CDH12: variants seen among roughly 807,000 people sequenced by gnomAD.
The protein encoded by CDH12 is cadherin 12.
Under a neutral mutation model 74.1 loss-of-function variants are expected in CDH12, and 41 were observed. The observed-to-expected ratio is 0.55, with a 90% CI of 0.43 to 0.72. The LOEUF is 0.72. Among genes scored for constraint, CDH12 ranks in the 30% least tolerant of loss-of-function variants. The pLI, the probability that CDH12 is intolerant of heterozygous loss-of-function variation, is 0.00. For missense variants in CDH12, 945 were observed against 977.2 expected, an observed-to-expected ratio of 0.97 and a Z score of 0.44; for synonymous variants, 399 against 355.0, an observed-to-expected ratio of 1.12 and a Z score of -1.39.
chr5:21,766,453 G>A (rs1745030053), intron 11 of CDH12, among the ~76,000 whole-genome samples: 1 of 151,866 alleles, frequency 6.6e-6, no homozygotes, highest in African/African-American at 2.4e-5. Flanking sequence ...AATAGAAACT[G>A]TTTGGCCCGG....
chr5:21,866,716 T>A (rs1751345804), intron 6 of CDH12, among the ~76,000 whole-genome samples: 1 of 152,012 alleles, frequency 6.6e-6, no homozygotes, highest in Non-Finnish European at 1.5e-5. Context: ...GAAAAGAAAA[T>A]CCCATTTTCA....
intron 1 of CDH12, among the ~76,000 whole-genome samples, chr5:22,824,990 C>A (rs895641393): frequency 1.3e-5 from 2 of 151,466 alleles, no homozygotes; most frequent in Non-Finnish European, 3.0e-5. Flanking sequence ...TTAATAAATT[C>A]AAAAAGGCTT....
chr5:22,334,304 A>G, intron 3 of CDH12, among the ~76,000 whole-genome samples: 1 of 152,124 alleles, frequency 6.6e-6, no homozygotes, highest in Non-Finnish European at 1.5e-5. Flanking sequence ...TAATCAAAGA[A>G]GTGGAATATC....
intron 1 of CDH12, among the ~76,000 whole-genome samples, chr5:22,519,556 TG>T (rs1736958578): frequency 6.6e-6 from 1 of 151,880 alleles, no homozygotes; most frequent in South Asian, 2.1e-4. Context: ...CCTGAGTAGC[TG>T]GGACTACAGG....
intron 2 of CDH12, among the ~76,000 whole-genome samples, chr5:22,455,904 T>A (rs1214543415): frequency 2.0e-5 from 3 of 152,170 alleles, no homozygotes; most frequent in South Asian, 2.1e-4. Context: ...AGCTAAGAAA[T>A]TCAGCACACC....
At chr5:22,594,533 CT>C (rs1213474818) in intron 1 of CDH12, among the ~76,000 whole-genome samples, 2 of 152,092 alleles carry the variant, frequency 1.3e-5, no homozygotes, top group Admixed American at 6.6e-5. Context: ...TATTGCTTGC[CT>C]TTTGATCCCC....
At chr5:21,806,339 A>G (rs1049381914) in intron 9 of CDH12, among the ~76,000 whole-genome samples, 11 of 152,154 alleles carry the variant, frequency 7.2e-5, no homozygotes, top group African/African-American at 2.7e-4. Context: ...TCCCAGACCT[A>G]GGAGCCAATG....
chr5:22,447,457 A>T (rs907436820), intron 2 of CDH12, among the ~76,000 whole-genome samples: 1 of 152,106 alleles, frequency 6.6e-6, no homozygotes, highest in Non-Finnish European at 1.5e-5. Flanking sequence ...ATCTCATTTT[A>T]AAAATCTTGA....
intron 1 of CDH12, among the ~76,000 whole-genome samples, chr5:22,735,452 A>AATG (rs2127009377): frequency 6.6e-6 from 1 of 151,966 alleles, no homozygotes; most frequent in East Asian, 1.9e-4. Flanking sequence ...TTATAGGGAA[A>AATG]ATGTGCTGCT....
At chr5:22,304,040 T>A (rs567895838) in intron 3 of CDH12, among the ~76,000 whole-genome samples, 53 of 152,244 alleles carry the variant, frequency 3.5e-4, no homozygotes, top group African/African-American at 1.1e-3. Flanking sequence ...TAGGAGTAAA[T>A]ATTTTAGTCA....
At chr5:22,285,642 C>A (rs1737101483) in intron 3 of CDH12, among the ~76,000 whole-genome samples, 1 of 152,090 alleles carries the variant, frequency 6.6e-6, no homozygotes, top group Non-Finnish European at 1.5e-5. Flanking sequence ...TATACAAACC[C>A]TATATCTAAC....
intron 1 of CDH12, among the ~76,000 whole-genome samples, chr5:22,685,916 A>C (rs1741770932): frequency 6.6e-6 from 1 of 152,200 alleles, no homozygotes; most frequent in Non-Finnish European, 1.5e-5. Flanking sequence ...GCTTAGGAGT[A>C]GAATTGCTGG....
chr5:21,912,798 A>G (rs1753919022), intron 6 of CDH12, among the ~76,000 whole-genome samples: 1 of 152,042 alleles, frequency 6.6e-6, no homozygotes, highest in Non-Finnish European at 1.5e-5. Context: ...TTTGAATAAT[A>G]GTTTTAGGTT....
chr5:21,787,764 T>C (rs898523757), intron 10 of CDH12, among the ~76,000 whole-genome samples: 2 of 152,120 alleles, frequency 1.3e-5, no homozygotes, highest in Non-Finnish European at 2.9e-5. Context: ...TGTGGTACCT[T>C]AGCTCACATG....
chr5:21,915,463 T>C (rs1264124401), intron 6 of CDH12, among the ~76,000 whole-genome samples: 2 of 152,142 alleles, frequency 1.3e-5, no homozygotes, highest in African/African-American at 4.8e-5. Flanking sequence ...AAGTTAATAA[T>C]AGGAATAAGT....
chr5:22,136,545 A>C (rs953971067), intron 4 of CDH12, among the ~76,000 whole-genome samples: 2 of 151,536 alleles, frequency 1.3e-5, no homozygotes, highest in Non-Finnish European at 2.9e-5. Context: ...ACCATTATGA[A>C]GAAGAACTTG....
intron 3 of CDH12, chr5:22,278,160 T>C (rs1187458602): frequency 6.6e-6 from 1 of 152,194 alleles, no homozygotes; most frequent in Non-Finnish European, 1.5e-5. Flanking sequence ...TTACATATTG[T>C]AGCTAAAAAC....
chr5:22,739,023 A>G (rs920950711), intron 1 of CDH12, among the ~76,000 whole-genome samples: 1 of 152,126 alleles, frequency 6.6e-6, no homozygotes, highest in African/African-American at 2.4e-5. Context: ...TTTAACATGA[A>G]AAACTATACA....
chr5:21,751,651 T>TGTGTGTGTGAGA lies in CDH12; in HGVS notation c.*85_*86insTCTCACACACAC, dbSNP rs766005547. On this transcript the variant is annotated 3_prime_UTR_variant, in exon 15 of 15. Coordinates refer to ENST00000382254, the MANE Select transcript of CDH12 (RefSeq NM_004061.5). ...GTGTGTTTGTGTGTGTGTGTGTGTG[T>TGTGTGTGTGAGA]GAGAGAGATTTCTATTAATATTTGT... The TGTGTGTGTGAGA allele has an allele frequency of 1.1e-4, 108 of 959,334 alleles. No homozygotes were observed. The highest frequency in any genetic ancestry group is 4.9e-4 in the African/African-American group (29 of 59,586). 59.4% of individuals were successfully genotyped at this position (959,334 alleles called of 1,614,324 possible).
Sources: allele counts gnomAD v4.1 joint callset (sites outside exome capture counted in the v4.1 genomes callset), GRCh38; gene constraint gnomAD v4.1.1; transcripts MANE v1.5; gene names NCBI Gene and HGNC (gene_info 2026-07-23, HGNC 2026-07-21).